NEMP2: variants seen among roughly 807,000 people sequenced by gnomAD.
The protein encoded by NEMP2 is UPF0571 transmembrane protein.
A neutral mutation model predicts 54.2 loss-of-function variants in NEMP2; 53 were observed. The ratio of observed to expected loss-of-function variants is 0.98; its 90% CI spans 0.78 to 1.23. The LOEUF (loss-of-function observed/expected upper bound fraction) is 1.23. Among genes scored for constraint, NEMP2 ranks in the 50% most tolerant of loss-of-function variants. The pLI, the probability that NEMP2 is intolerant of heterozygous loss-of-function variation, is 0.00. For synonymous variants in NEMP2, 197 were observed against 190.3 expected, an observed-to-expected ratio of 1.04 and a Z score of -0.29; for missense variants, 455 against 511.3, an observed-to-expected ratio of 0.89 and a Z score of 1.06.
At chr2:190,497,859 T>C in the NEMP2 span, 1 of 993,714 alleles carries the variant, frequency 1.0e-6, no homozygotes, top group Non-Finnish European at 1.5e-6. The surrounding 1 kb of genome is among the most constrained non-coding windows in gnomAD (Gnocchi z 5.2). Context: ...ACAATTTCAG[T>C]ACTCTGTGAG....
chr2:190,432,498 C>A, the NEMP2 span, among the ~76,000 whole-genome samples: 15 of 152,176 alleles, frequency 9.9e-5, no homozygotes, highest in Non-Finnish European at 1.6e-4. Flanking sequence ...CTCTCTGCAA[C>A]CTCCGGCTCC....
the NEMP2 span, chr2:190,641,374 A>C: frequency 6.6e-6 from 1 of 152,108 alleles, no homozygotes; most frequent in East Asian, 1.9e-4. Flanking sequence ...CAAGTCACAC[A>C]CCTTTGTCAA....
the NEMP2 span, among the ~76,000 whole-genome samples, chr2:190,484,965 T>C: frequency 6.6e-6 from 1 of 152,198 alleles, no homozygotes; most frequent in Non-Finnish European, 1.5e-5. Context: ...TTCCCTGAGT[T>C]AATTTAAAGA....
the NEMP2 span, among the ~76,000 whole-genome samples, chr2:190,445,198 G>C: frequency 2.0e-5 from 3 of 152,110 alleles, no homozygotes; most frequent in Non-Finnish European, 4.4e-5. Context: ...TCATATTAAA[G>C]AGAATTACAG....
At chr2:190,500,113 C>G (rs772149258), downstream of NEMP2, 1 of 1,614,200 alleles carries the variant, frequency 6.2e-7, no homozygotes, top group African/African-American at 1.3e-5. The surrounding 1 kb of genome is among the most constrained non-coding windows in gnomAD (Gnocchi z 5.3). Flanking sequence ...CATCCCCTGA[C>G]GCAGCAGCAT....
At chr2:190,473,792 C>T in the NEMP2 span, among the ~76,000 whole-genome samples, 1 of 151,846 alleles carries the variant, frequency 6.6e-6, no homozygotes, top group Admixed American at 6.6e-5. Flanking sequence ...ACACCTATTC[C>T]AAAATTGACC....
chr2:190,493,598 T>A, the NEMP2 span, among the ~76,000 whole-genome samples: 1 of 152,118 alleles, frequency 6.6e-6, no homozygotes, highest in Non-Finnish European at 1.5e-5. Context: ...TGGAACTTTC[T>A]CCAAGATAGA....
chr2:190,632,924 C>T, the NEMP2 span, among the ~76,000 whole-genome samples: 4 of 152,204 alleles, frequency 2.6e-5, no homozygotes, highest in East Asian at 7.7e-4. The surrounding 1 kb of genome is among the most constrained non-coding windows in gnomAD (Gnocchi z 4.8). Context: ...GGACTCTTGT[C>T]CTAACTTGCC....
At chr2:190,480,785 C>T in the NEMP2 span, among the ~76,000 whole-genome samples, 3 of 152,162 alleles carry the variant, frequency 2.0e-5, no homozygotes, top group Non-Finnish European at 4.4e-5. Flanking sequence ...GTATTAAATA[C>T]ACTAATCCAT....
At chr2:190,646,317 C>G in the NEMP2 span, among the ~76,000 whole-genome samples, 2 of 152,174 alleles carry the variant, frequency 1.3e-5, no homozygotes, top group African/African-American at 4.8e-5. Flanking sequence ...TTTCCTCTAA[C>G]AAATCCTCAG....
the NEMP2 span, among the ~76,000 whole-genome samples, chr2:190,470,586 C>T: frequency 1.3e-3 from 199 of 152,312 alleles, 1 homozygote; most frequent in African/African-American, 4.4e-3. Flanking sequence ...AGTTGAGTGA[C>T]GGTCCAGGCT....
At chr2:190,593,995 G>A in the NEMP2 span, among the ~76,000 whole-genome samples, 1 of 152,176 alleles carries the variant, frequency 6.6e-6, no homozygotes, top group Non-Finnish European at 1.5e-5. The surrounding 1 kb of genome is among the most constrained non-coding windows in gnomAD (Gnocchi z 4.5). Context: ...ACTCACCAAT[G>A]ACTTCTCATG....
At chr2:190,436,255 T>C in the NEMP2 span, 1 of 1,614,000 alleles carries the variant, frequency 6.2e-7, no homozygotes, top group Non-Finnish European at 8.5e-7. This position sits in a 1 kb window ranked among gnomAD's most constrained non-coding sequence, Gnocchi z 5.3. Context: ...GGTCTTTTAT[T>C]TTTTCTTTTA....
the NEMP2 span, among the ~76,000 whole-genome samples, chr2:190,565,315 C>T: frequency 1.3e-5 from 2 of 152,196 alleles, no homozygotes; most frequent in African/African-American, 4.8e-5. Context: ...TCCCCTCCTA[C>T]ACAATGAAAG....
chr2:190,633,309 TC>T, the NEMP2 span, among the ~76,000 whole-genome samples: 1 of 149,804 alleles, frequency 6.7e-6, no homozygotes, highest in South Asian at 2.1e-4. Context: ...ATTCAACTTT[TC>T]CTTTTTTTTT....
chr2:190,461,085 A>G, the NEMP2 span, among the ~76,000 whole-genome samples: 3 of 152,304 alleles, frequency 2.0e-5, no homozygotes, highest in Non-Finnish European at 4.4e-5. The surrounding 1 kb of genome is among the most constrained non-coding windows in gnomAD (Gnocchi z 5.5). Context: ...ACCCACACCC[A>G]ATCTCCCAAG....
At chr2:190,572,833 GTATATATATATATATATA>G in the NEMP2 span, among the ~76,000 whole-genome samples, 311 of 47,872 alleles carry the variant, frequency 6.5e-3, 8 homozygotes, top group African/African-American at 0.019. Context: ...CTTTTCATGA[GTATATATATATATATATA>G]TATATATATA....
chr2:190,462,538 A>C, the NEMP2 span, among the ~76,000 whole-genome samples: 2 of 152,176 alleles, frequency 1.3e-5, no homozygotes, highest in African/African-American at 4.8e-5. The surrounding 1 kb of genome is among the most constrained non-coding windows in gnomAD (Gnocchi z 5.7). Flanking sequence ...GCTCTTTTTG[A>C]GTACAAAGAG....
At chr2:190,424,633 C>T in the NEMP2 span, among the ~76,000 whole-genome samples, 4 of 152,134 alleles carry the variant, frequency 2.6e-5, no homozygotes, top group Non-Finnish European at 5.9e-5. The surrounding 1 kb of genome is among the most constrained non-coding windows in gnomAD (Gnocchi z 5.9). Flanking sequence ...TGCGCCTGGC[C>T]GAGTTTCATT....
Sources: gnomAD v4.1 joint callset for allele counts (sites outside exome capture counted in the v4.1 genomes callset) on GRCh38, gnomAD v4.1.1 for gene constraint, Gnocchi (gnomAD v3.1) non-coding constraint, MANE v1.5 for transcripts, NCBI Gene and HGNC (gene_info 2026-07-23, HGNC 2026-07-21) for gene names.